CNTN5: variants seen among roughly 807,000 people sequenced by gnomAD.
CNTN5 encodes the protein contactin 5.
CNTN5 carries 77 observed loss-of-function variants against 129.1 expected under a neutral mutation model. That is an observed-to-expected ratio of 0.60 (90% CI 0.50 to 0.72). The LOEUF (loss-of-function observed/expected upper bound fraction) is 0.72. CNTN5 is among the 30% of genes least tolerant of loss of function. The pLI is 0.00. For missense variants in CNTN5, 1,478 were observed against 1,328.8 expected (o/e 1.11, Z -1.75); for synonymous variants, 509 against 465.6 (o/e 1.09, Z -1.20).
chr11:99,302,878 A>G (rs1864706687), intron 1 of CNTN5, among the ~76,000 whole-genome samples: 1 of 151,562 alleles, frequency 6.6e-6, no homozygotes, highest in Admixed American at 6.6e-5. Context: ...AATGGAATGG[A>G]ACACTAGACT....
At chr11:99,360,058 T>G (rs1938996065) in intron 2 of CNTN5, among the ~76,000 whole-genome samples, 1 of 151,250 alleles carries the variant, frequency 6.6e-6, no homozygotes, top group African/African-American at 2.4e-5. Flanking sequence ...AATTAAAAAT[T>G]TAAAAAATAG....
At chr11:99,525,096 T>G (rs1947434814) in intron 2 of CNTN5, among the ~76,000 whole-genome samples, 1 of 152,154 alleles carries the variant, frequency 6.6e-6, no homozygotes, top group African/African-American at 2.4e-5. Flanking sequence ...CATTGTCATA[T>G]TTTCCTACAT....
intron 6 of CNTN5, among the ~76,000 whole-genome samples, chr11:99,874,642 C>T (rs145831258): frequency 5.9e-5 from 9 of 152,142 alleles, no homozygotes; most frequent in East Asian, 5.8e-4. Context: ...AATACATCTT[C>T]GTAATCTGCT....
At chr11:99,649,158 A>G (rs1290198047) in intron 3 of CNTN5, among the ~76,000 whole-genome samples, 1 of 150,116 alleles carries the variant, frequency 6.7e-6, no homozygotes, top group African/African-American at 2.4e-5. Flanking sequence ...TATGCCCCAT[A>G]AATAGAAACA....
At chr11:99,050,998 T>C (rs1047681133) in intron 1 of CNTN5, among the ~76,000 whole-genome samples, 4 of 151,926 alleles carry the variant, frequency 2.6e-5, no homozygotes, top group East Asian at 1.9e-4. Context: ...AGCATACATG[T>C]ATATTACATA....
Position 99,357,447 on chromosome 11 carries a change from C to G in CNTN5, c.-71+31963C>G, listed in dbSNP as rs368127722. Among the ~76,000 whole-genome samples the G allele has an allele frequency of 3.3e-5, 5 of 151,596 alleles. No individual in the cohort carries two copies. The East Asian group carries it at 9.6e-4, about 29-fold the overall frequency. ...ATATTATATACTTGAAATTACAGAA[C>G]TCCTTTGCAAGCTTGAAAACACACA... On this transcript the variant is annotated intron_variant, in intron 2 of 24. Transcript: ENST00000524871.
intron 2 of CNTN5, among the ~76,000 whole-genome samples, chr11:99,430,798 A>C (rs989198635): frequency 2.0e-5 from 3 of 152,090 alleles, no homozygotes; most frequent in African/African-American, 4.8e-5. Flanking sequence ...CAAATCTCCT[A>C]CTACATAAAT....
chr11:99,978,579 A>G (rs893939752), intron 8 of CNTN5, among the ~76,000 whole-genome samples: 1 of 152,180 alleles, frequency 6.6e-6, no homozygotes, highest in African/African-American at 2.4e-5. Context: ...TTACCATTGT[A>G]TTACAATTGT....
At chr11:100,261,239 A>G (rs569119088) in intron 17 of CNTN5, among the ~76,000 whole-genome samples, 1 of 152,310 alleles carries the variant, frequency 6.6e-6, no homozygotes, top group Non-Finnish European at 1.5e-5. Flanking sequence ...AGAACTTACA[A>G]GGGATGTGAA....
intron 9 of CNTN5, among the ~76,000 whole-genome samples, chr11:100,009,333 A>G (rs769338494): frequency 6.6e-6 from 1 of 152,096 alleles, no homozygotes; most frequent in Non-Finnish European, 1.5e-5. Context: ...AGTGACCGTG[A>G]CATGCTATAT....
intron 1 of CNTN5, among the ~76,000 whole-genome samples, chr11:99,269,965 C>T (rs1050344612): frequency 2.3e-4 from 35 of 151,738 alleles, no homozygotes; most frequent in African/African-American, 8.2e-4. Flanking sequence ...AGAAGAAAAA[C>T]GTAGACTTGG....
chr11:99,119,920 T>C (rs1591224432), intron 1 of CNTN5, among the ~76,000 whole-genome samples: 1 of 152,282 alleles, frequency 6.6e-6, no homozygotes, highest in East Asian at 1.9e-4. Flanking sequence ...CACATGTATG[T>C]CTTCTTTTGA....
intron 3 of CNTN5, among the ~76,000 whole-genome samples, chr11:99,698,596 T>C (rs1954375366): frequency 6.6e-6 from 1 of 151,514 alleles, no homozygotes; most frequent in Admixed American, 6.6e-5. Context: ...ACTTCTAAAA[T>C]ATATTTCCTA....
At chr11:99,025,218 T>C (rs956000675) in intron 1 of CNTN5, among the ~76,000 whole-genome samples, 1 of 151,970 alleles carries the variant, frequency 6.6e-6, no homozygotes, top group African/African-American at 2.4e-5. Context: ...ATACATTTTA[T>C]GAGTTTTCTA....
intron 3 of CNTN5, among the ~76,000 whole-genome samples, chr11:99,702,631 G>A (rs1359011188): frequency 6.6e-6 from 1 of 150,620 alleles, no homozygotes; most frequent in Admixed American, 6.6e-5. Context: ...TTTCAAAATT[G>A]GATCATATTC....
At chr11:99,679,659 C>T (rs1295948699) in intron 3 of CNTN5, among the ~76,000 whole-genome samples, 1 of 152,166 alleles carries the variant, frequency 6.6e-6, no homozygotes, top group Non-Finnish European at 1.5e-5. Context: ...AGAGACAACA[C>T]TATTGAAATT....
intron 3 of CNTN5, among the ~76,000 whole-genome samples, chr11:99,631,591 C>T (rs1219422395): frequency 6.6e-6 from 1 of 151,894 alleles, no homozygotes. Flanking sequence ...ATAAATGTTA[C>T]ATTGCTAAGC....
At chr11:100,153,179 AC>A (rs1411019271) in intron 13 of CNTN5, among the ~76,000 whole-genome samples, 1 of 152,164 alleles carries the variant, frequency 6.6e-6, no homozygotes, top group African/African-American at 2.4e-5. Flanking sequence ...AAAATCGTTT[AC>A]ATGACACTTA....
intron 2 of CNTN5, among the ~76,000 whole-genome samples, chr11:99,439,292 G>C (rs1445012002): frequency 4.6e-5 from 7 of 151,556 alleles, no homozygotes; most frequent in East Asian, 1.9e-4. Flanking sequence ...GTAGATCTCT[G>C]TGTGTGTGTG....
Sources: gnomAD v4.1 joint callset for allele counts (sites outside exome capture counted in the v4.1 genomes callset) on GRCh38, gnomAD v4.1.1 for gene constraint, MANE v1.5 for transcripts, NCBI Gene and HGNC (gene_info 2026-07-23, HGNC 2026-07-21) for gene names.